The following NCKAP1 variants were observed in gnomAD, a reference collection of about 807,000 sequenced individuals.
The protein encoded by NCKAP1 is nck-associated protein 1.
Under a neutral mutation model 151.2 loss-of-function variants are expected in NCKAP1, and 21 were observed. The observed-to-expected ratio is 0.14, with a 90% CI of 0.10 to 0.20. The LOEUF is 0.20. NCKAP1 is among the 10% of genes least tolerant of loss of function. The pLI, the probability that NCKAP1 is intolerant of heterozygous loss-of-function variation, is 1.00. For missense variants in NCKAP1, 933 were observed against 1,352.1 expected, an observed-to-expected ratio of 0.69 and a Z score of 4.86; for synonymous variants, 484 against 451.8, an observed-to-expected ratio of 1.07 and a Z score of -0.90.
intron 24 of NCKAP1, 40 bp from the exon 25 acceptor site, chr2:182,935,415 T>C (rs1696853744): frequency 8.0e-7 from 1 of 1,251,748 alleles, no homozygotes; most frequent in Non-Finnish European, 1.1e-6. Context: ...AATAAAAAAG[T>C]GTGAACTGGA....
intron 24 of NCKAP1, among the ~76,000 whole-genome samples, chr2:182,940,796 T>C (rs571425063): frequency 6.6e-6 from 1 of 152,216 alleles, no homozygotes; most frequent in East Asian, 1.9e-4. Context: ...GTGATATGTG[T>C]CGTATGACAC....
chr2:183,015,544 G>A (rs895661133), intron 2 of NCKAP1, among the ~76,000 whole-genome samples: 205 of 151,276 alleles, frequency 1.4e-3, no homozygotes, highest in Non-Finnish European at 3.1e-4. Flanking sequence ...TTTAAAGAAA[G>A]TAAAAAGGCT....
chr2:182,922,891 G>T lies in NCKAP1; in HGVS notation c.*2811C>A, dbSNP rs1042703233. On this transcript the variant is annotated 3_prime_UTR_variant, in exon 31 of 31. Transcript: ENST00000361354. Reference sequence around the variant, plus strand: ...TAACTGGGCGTAGTGGCGGGCGCCTGTAATCTCAGCTACTCAGGAGGCTGA... The same window carrying T: ...TAACTGGGCGTAGTGGCGGGCGCCTTTAATCTCAGCTACTCAGGAGGCTGA... The T allele has an allele frequency of 1.3e-5, 2 of 152,232 alleles. No homozygotes were observed. Among genetic ancestry groups the T allele is most frequent in the Non-Finnish European group, 2.9e-5 (2 of 68,078 alleles). The allele number at this position is 152,232 out of a possible 1,614,324, so 9.4% of individuals were successfully genotyped here.
At chr2:182,977,177 A>G (rs1270606264) in intron 14 of NCKAP1, among the ~76,000 whole-genome samples, 1 of 152,196 alleles carries the variant, frequency 6.6e-6, no homozygotes. Context: ...ATGAATGAAT[A>G]AACAAAATGT....
intron 15 of NCKAP1, among the ~76,000 whole-genome samples, chr2:182,972,657 C>T (rs990414520): frequency 7.9e-5 from 12 of 152,118 alleles, no homozygotes; most frequent in African/African-American, 2.9e-4. Flanking sequence ...GATATGGAAC[C>T]CAACCCAAGT....
intron 16 of NCKAP1, 44 bp from the exon 17 acceptor site, chr2:182,964,852 A>T: frequency 6.7e-7 from 1 of 1,492,476 alleles, no homozygotes; most frequent in Non-Finnish European, 9.2e-7. Flanking sequence ...CATTTAAAGT[A>T]AGTTTTCTGA....
chr2:183,013,428 A>T (rs888512505), intron 2 of NCKAP1, among the ~76,000 whole-genome samples: 1 of 151,934 alleles, frequency 6.6e-6, no homozygotes, highest in African/African-American at 2.4e-5. Flanking sequence ...CAAAAACCTT[A>T]AAGTCTTATT....
intron 15 of NCKAP1, among the ~76,000 whole-genome samples, chr2:182,972,001 T>G (rs768334080): frequency 1.3e-5 from 2 of 152,112 alleles, no homozygotes; most frequent in Non-Finnish European, 2.9e-5. Context: ...AATATTGGTC[T>G]GGTCAAAGAT....
rs557163751 is a variant in NCKAP1, at chr2:182,997,198, A to G, written c.604-1360T>C. ...ACCTTATTGGCAATCCTTTCAAAAA[A>G]CTAACTTTTTGTTTCACTGATCCTT... On this transcript the variant is annotated intron_variant, in intron 6 of 30. Transcript: ENST00000361354. Among the ~76,000 whole-genome samples, 5 of 152,256 alleles carry G rather than the reference A, an allele frequency of 3.3e-5. No homozygotes were observed. In the South Asian group the frequency reaches 1.0e-3, roughly 32 times the overall value.
intron 26 of NCKAP1, among the ~76,000 whole-genome samples, chr2:182,931,371 T>C (rs1696760379): frequency 6.6e-6 from 1 of 152,096 alleles, no homozygotes; most frequent in Non-Finnish European, 1.5e-5. Flanking sequence ...GCTATCTATA[T>C]AACTGGTTAC....
In NCKAP1 at chr2:183,038,283, C is replaced by T. The variant is rs1350126048; in HGVS notation, c.-184G>A. On this transcript the variant is annotated 5_prime_UTR_variant, in exon 1 of 31. Transcript: ENST00000361354. ...ACAGAGCGAGCCGCGGCGGACTCCT[C>T]GGAGCCCCTTCTCCCGCAGCAGCCC... 7 of 407,762 alleles carry T rather than the reference C, an allele frequency of 1.7e-5. No individual in the cohort carries two copies. The East Asian group carries it at 2.0e-4, about 12-fold the overall frequency. 25.3% of individuals were successfully genotyped at this position (407,762 alleles called of 1,614,324 possible).
chr2:182,967,121 C>G, intron 16 of NCKAP1, 95 bp downstream of exon 16: 1 of 1,113,656 alleles, frequency 9.0e-7, no homozygotes, highest in Middle Eastern at 2.6e-4. Context: ...TATTACTGAA[C>G]TGTCTTAAGG....
Position 182,942,094 on chromosome 2 carries a change from C to G in NCKAP1, c.2671G>C (p.Ala891Pro). The G allele has an allele frequency of 6.2e-7, 1 of 1,612,990 alleles. No homozygotes were observed. The highest frequency in any genetic ancestry group is 8.5e-7 in the Non-Finnish European group (1 of 1,179,262). Reference protein sequence around the residue: ...RTSFDKPDQMAALFKRLSSVD... With the variant: ...RTSFDKPDQMPALFKRLSSVD... ...CATGATAATCTTTTAAACAGTGCAG[C>G]CATCTGGTCTGGTTTGTCAAAGCTG... The change falls in exon 24 of 31, where the codon GCT (alanine) becomes CCT (proline). Residue 891 changes from alanine (A) to proline (P), a missense_variant. Ala to Pro is a conservative substitution (Grantham distance 27, BLOSUM62 -1). This residue lies in a region of NCKAP1 where 326 missense variants were observed against 557.1 expected (regional missense o/e 0.59). Transcript: ENST00000361354.
intron 15 of NCKAP1, among the ~76,000 whole-genome samples, chr2:182,976,371 G>A (rs1412662432): frequency 2.0e-5 from 3 of 152,158 alleles, no homozygotes; most frequent in African/African-American, 7.2e-5. Context: ...GGTAAACTAT[G>A]GCCTGTGGGC....
In NCKAP1 at chr2:182,954,551, G is replaced by C. The variant is rs551395746; in HGVS notation, c.2154-1220C>G. On this transcript the variant is annotated intron_variant, in intron 20 of 30. Transcript: ENST00000361354. ...CTAAGTCCTAAGACTGTGCTCAGTT[G>C]ATTGACAAAAACCAACCCACTAATA... Among the ~76,000 whole-genome samples the C allele has an allele frequency of 3.3e-5, 5 of 152,270 alleles. No individual in the cohort carries two copies. In the East Asian group the frequency reaches 9.7e-4, roughly 29 times the overall value.
rs770856966 is a variant in NCKAP1, at chr2:183,038,013, G to C, written c.87C>G (p.Thr29=). 1.3e-6 allele frequency: 2 copies of C among 1,583,474 alleles called. No individual in the cohort carries two copies. Among genetic ancestry groups the C allele is most frequent in the Non-Finnish European group, 8.5e-7 (1 of 1,171,556 alleles). ...ILNDRGVGML[T]RLYNIKKACG... is the part of the protein sequence containing the mutation. Reference sequence around the variant, plus strand: ...GCACCTTCTTGATGTTGTAGAGGCGGGTGAGCATGCCGACGCCCCGGTCGT... The same window carrying C: ...GCACCTTCTTGATGTTGTAGAGGCGCGTGAGCATGCCGACGCCCCGGTCGT... The change falls in exon 1 of 31, where the codon ACC becomes ACG. Residue 29 remains threonine, a synonymous_variant. Transcript: ENST00000361354.
At chr2:182,983,709 T>G (rs1240230725) in intron 10 of NCKAP1, among the ~76,000 whole-genome samples, 2 of 152,208 alleles carry the variant, frequency 1.3e-5, no homozygotes, top group African/African-American at 4.8e-5. Context: ...TTTAGTACCA[T>G]GTAGCTTTAA....
In NCKAP1 at chr2:182,920,781, G is replaced by A. The variant is rs534323057; in HGVS notation, c.*4921C>T. 3.8e-4 allele frequency: 58 copies of A among 152,108 alleles called. No individual in the cohort carries two copies. Among genetic ancestry groups the A allele is most frequent in the Admixed American group, 3.2e-3 (49 of 15,274 alleles). The allele number at this position is 152,108 out of a possible 1,614,324, so 9.4% of individuals were successfully genotyped here. On this transcript the variant is annotated 3_prime_UTR_variant, in exon 31 of 31. Coordinates refer to ENST00000361354, the MANE Select transcript of NCKAP1 (RefSeq NM_013436.5). ...CCACATCCTGTCACACTGATGATCA[G>A]ATTTCAACATATGAATTTTGTGGCC...
At chr2:182,963,989 C>A (rs1336816721) in intron 17 of NCKAP1, among the ~76,000 whole-genome samples, 1 of 152,084 alleles carries the variant, frequency 6.6e-6, no homozygotes, top group Non-Finnish European at 1.5e-5. Flanking sequence ...CTCTAAGTTT[C>A]TTTTCTACAA....
Sources: gnomAD v4.1 joint callset for allele counts (sites outside exome capture counted in the v4.1 genomes callset) on GRCh38, gnomAD v4.1.1 for gene constraint, gnomAD v4.1.1 regional missense constraint, MANE v1.5 for transcripts, NCBI Gene and HGNC (gene_info 2026-07-23, HGNC 2026-07-21) for gene names.